The following MAP4 variants were observed in gnomAD, a reference collection of about 807,000 sequenced individuals.
MAP4 encodes microtubule associated protein 4.
Under a neutral mutation model 170.2 loss-of-function variants are expected in MAP4, and 76 were observed. The observed-to-expected ratio is 0.45, with a 90% confidence interval of 0.37 to 0.54. The LOEUF is 0.54. Ranked by LOEUF, MAP4 falls within the 20% of genes least tolerant of loss-of-function variation. The probability of loss-of-function intolerance (pLI) is 0.00; values close to 1 mark genes in which losing one functional copy is unlikely to be tolerated. For missense variants in MAP4, 2,506 were observed against 2,748.0 expected, an observed-to-expected ratio of 0.91 and a Z score of 1.97; for synonymous variants, 909 against 994.5, an observed-to-expected ratio of 0.91 and a Z score of 1.62.
intron 10 of MAP4, among the ~76,000 whole-genome samples, chr3:47,879,861 C>T (rs1055349182): frequency 1.3e-5 from 2 of 152,150 alleles, no homozygotes; most frequent in African/African-American, 2.4e-5. Context: ...ACTTCCAGTA[C>T]ACTATATTTA....
At chr3:48,037,113 A>G (rs1363997544) in intron 1 of MAP4, among the ~76,000 whole-genome samples, 2 of 152,174 alleles carry the variant, frequency 1.3e-5, no homozygotes, top group Non-Finnish European at 2.9e-5. Flanking sequence ...TAAAATCTAA[A>G]AAGGAAATAA....
chr3:47,995,712 C>T (rs1270168147), intron 2 of MAP4, among the ~76,000 whole-genome samples: 1 of 152,038 alleles, frequency 6.6e-6, no homozygotes, highest in Non-Finnish European at 1.5e-5. Flanking sequence ...TCACTCCCAC[C>T]CTAACAACAA....
In MAP4 at chr3:47,935,204, C is replaced by T. The variant is rs927833836; in HGVS notation, c.293-6854G>A. Among the ~76,000 whole-genome samples, 3 of 151,978 alleles carry T rather than the reference C, an allele frequency of 2.0e-5. No individual in the cohort carries two copies. The South Asian group carries it at 6.2e-4, about 32-fold the overall frequency. On this transcript the variant is annotated intron_variant, in intron 3 of 20. Transcript: ENST00000683076. The stretch of plus-strand genomic sequence containing the variant: ...TTAAAGAACAGTCACATAACACAGT[C>T]GTGGGATGATCTAGGATCTTCCTGT...
rs993644198 is a variant in MAP4, at chr3:47,855,243, G to A, written c.6696+5C>T. The stretch of plus-strand genomic sequence containing the variant: ...GCTGTGTCTCCCCAGTGACCCACTC[G>A]CTACCTTCACAGCACCTCCTGCAGG... On this transcript the variant is annotated splice_donor_5th_base_variant and intron_variant, in intron 19 of 20. Coordinates refer to ENST00000683076, the MANE Select transcript of MAP4 (RefSeq NM_001385682.1). The surrounding 1 kb of genome is among the most constrained non-coding windows in gnomAD (Gnocchi z 5.1). The A allele has an allele frequency of 3.1e-6, 5 of 1,607,194 alleles. No homozygotes were observed. The highest frequency in any genetic ancestry group is 2.2e-5 in the East Asian group (1 of 44,824).
intron 10 of MAP4, among the ~76,000 whole-genome samples, chr3:47,885,246 G>A (rs1305438085): frequency 6.6e-6 from 1 of 152,154 alleles, no homozygotes; most frequent in Non-Finnish European, 1.5e-5. Context: ...AGAAAACCCA[G>A]GGGATGGACG....
chr3:47,916,793 G>A lies in MAP4; in HGVS notation c.1034C>T (p.Ala345Val). ...VLPTETEVAP[A>V]KDVTLLKETE... is the part of the protein sequence containing the mutation. ...TTCTTTCAACAGTGTCACATCCTTG[G>A]CTGGGGCTACCTCTGTTTCTGTGGG... Residue 345 changes from alanine (A) to valine (V), a missense_variant, in exon 7 of 21, where the codon GCC becomes GTC. Physicochemically the swap from Ala to Val is moderately conservative, Grantham distance 64. Coordinates refer to ENST00000683076, the MANE Select transcript of MAP4 (RefSeq NM_001385682.1). 6.2e-7 allele frequency: 1 copy of A among 1,614,176 alleles called. No individual in the cohort carries two copies. The highest frequency in any genetic ancestry group is 8.5e-7 in the Non-Finnish European group (1 of 1,180,032).
chr3:48,021,460 G>C (rs2100110519), intron 1 of MAP4, among the ~76,000 whole-genome samples: 1 of 151,986 alleles, frequency 6.6e-6, no homozygotes, highest in Non-Finnish European at 1.5e-5. Flanking sequence ...CAATTCTCCT[G>C]CCTCAGCCTC....
intron 1 of MAP4, among the ~76,000 whole-genome samples, chr3:48,002,769 T>TATTC (rs10671018): frequency 1.3e-5 from 2 of 149,984 alleles, no homozygotes; most frequent in South Asian, 4.2e-4. Flanking sequence ...TGGTCCCAGT[T>TATTC]AGGAGGCTGA....
chr3:48,053,468 T>C (rs918670269), intron 1 of MAP4, among the ~76,000 whole-genome samples: 1 of 152,208 alleles, frequency 6.6e-6, no homozygotes, highest in Admixed American at 6.5e-5. Flanking sequence ...TCTTATAATA[T>C]TATGGAAAAT....
intron 6 of MAP4, among the ~76,000 whole-genome samples, chr3:47,918,064 C>T (rs1231261985): frequency 6.6e-6 from 1 of 152,082 alleles, no homozygotes; most frequent in East Asian, 1.9e-4. Flanking sequence ...CTGACAGCAA[C>T]CTCTGCCTTC....
chr3:47,994,922 C>T (rs1005684660), intron 2 of MAP4, among the ~76,000 whole-genome samples: 2 of 149,760 alleles, frequency 1.3e-5, no homozygotes, highest in Non-Finnish European at 1.5e-5. Context: ...GCACTCCAGC[C>T]TGTGCAATAG....
chr3:48,012,968 GTTGTTTT>G (rs1466433936), intron 1 of MAP4, among the ~76,000 whole-genome samples: 1 of 27,012 alleles, frequency 3.7e-5, no homozygotes, highest in Non-Finnish European at 1.4e-4. Context: ...TTAAAGTACT[GTTGTTTT>G]TTTTTTCCCA....
At position 48,049,324 on chromosome 3, in the gene MAP4, T is replaced by C. The variant is rs556285787; in HGVS notation, c.-20+39449A>G. Among the ~76,000 whole-genome samples the C allele has an allele frequency of 3.9e-5, 6 of 152,354 alleles. 1 individual carries two copies. The South Asian group carries it at 1.2e-3, about 32-fold the overall frequency. ...TCTGGGTAGTATGGTAAGTACATGT[T>C]TAATTTTTAAAGAAACTGCCAGCTG... On this transcript the variant is annotated intron_variant, in intron 1 of 18. Coordinates refer to the MAP4 transcript ENST00000360240.
intron 3 of MAP4, among the ~76,000 whole-genome samples, chr3:47,970,093 G>T (rs1387860037): frequency 6.6e-6 from 1 of 152,150 alleles, no homozygotes; most frequent in Admixed American, 6.5e-5. Context: ...CCACTCTTGT[G>T]CCCTGGGGCC....
rs373955953 is a variant in MAP4, at chr3:47,945,951, T to G, written c.293-17601A>C. Among the ~76,000 whole-genome samples, 4 of 151,956 alleles carry G rather than the reference T, an allele frequency of 2.6e-5. No individual in the cohort carries two copies. The East Asian group carries it at 7.7e-4, about 29-fold the overall frequency. On this transcript the variant is annotated intron_variant, in intron 3 of 20. Transcript: ENST00000683076. ...CTGGTTTTATTTTATTTTATTTTTT[T>G]TGAGATGGAGTCTTGCTCTGTCGCC...
At position 47,909,156 on chromosome 3, in the gene MAP4, G is replaced by C. The variant is rs1436491116; in HGVS notation, c.5265C>G (p.Ser1755Arg). ...TPGEGKKEDK[S>R]RMAEPMKGYM... is the part of the protein sequence containing the mutation. ...AGCCTTTCATTGGTTCTGCCATTCT[G>C]CTTTTATCTTCCTTTTTCCCTTCTC... Residue 1755 changes from serine (S) to arginine (R), a missense_variant, in exon 9 of 21, where the codon AGC becomes AGG. Physicochemically the swap from Ser to Arg is moderately radical, Grantham distance 110 (BLOSUM62 -1). This residue lies in a region of MAP4 where 2,008 missense variants were observed against 2,206.0 expected (regional missense o/e 0.91). Coordinates refer to ENST00000683076, the MANE Select transcript of MAP4 (RefSeq NM_001385682.1). 6.2e-7 allele frequency: 1 copy of C among 1,613,906 alleles called. No individual in the cohort carries two copies. Among genetic ancestry groups the C allele is most frequent in the Non-Finnish European group, 8.5e-7 (1 of 1,179,864 alleles).
chr3:48,083,216 G>T (rs1270346864), intron 1 of MAP4, among the ~76,000 whole-genome samples: 2 of 152,092 alleles, frequency 1.3e-5, no homozygotes, highest in African/African-American at 4.8e-5. Flanking sequence ...AGGGTATCAG[G>T]TTATATAAAA....
At chr3:47,972,660 C>G (rs1465245087) in intron 3 of MAP4, among the ~76,000 whole-genome samples, 1 of 151,928 alleles carries the variant, frequency 6.6e-6, no homozygotes, top group African/African-American at 2.4e-5. Context: ...GCTAAGGTGG[C>G]CGGATCATGA....
At position 47,963,805 on chromosome 3, in the gene MAP4, A is replaced by G. The variant is rs1402646450; in HGVS notation, c.292+14060T>C. On this transcript the variant is annotated intron_variant, in intron 3 of 20. Coordinates refer to ENST00000683076, the MANE Select transcript of MAP4 (RefSeq NM_001385682.1). Reference sequence around the variant, plus strand: ...GCAGATGAGATAAGTAAACTATACAAATTATTAGAAAGTGACATGACAAAA... The same window carrying G: ...GCAGATGAGATAAGTAAACTATACAGATTATTAGAAAGTGACATGACAAAA... 2.0e-5 allele frequency among the ~76,000 whole-genome samples: 3 copies of G among 152,208 alleles called. No individual in the cohort carries two copies. In the East Asian group the frequency reaches 5.8e-4, roughly 29 times the overall value.
Sources: gnomAD v4.1 joint callset for allele counts (sites outside exome capture counted in the v4.1 genomes callset) on GRCh38, gnomAD v4.1.1 for gene constraint, gnomAD v4.1.1 regional missense constraint, Gnocchi (gnomAD v3.1) non-coding constraint, MANE v1.5 for transcripts, NCBI Gene and HGNC (gene_info 2026-07-23, HGNC 2026-07-21) for gene names.